EXT2: variants seen among roughly 807,000 people sequenced by gnomAD.
EXT2 encodes the protein exostosin-2.
In EXT2, 53 loss-of-function variants were observed where a neutral mutation model predicts 81.6. That is an observed-to-expected ratio of 0.65 (90% CI 0.52 to 0.82). The LOEUF is 0.82. EXT2 is among the 40% of genes least tolerant of loss of function. The probability of loss-of-function intolerance (pLI) is 0.00; values close to 1 mark genes in which losing one functional copy is unlikely to be tolerated. For synonymous variants in EXT2, 320 were observed against 340.0 expected (o/e 0.94, Z 0.65); for missense variants, 774 against 910.2 (o/e 0.85, Z 1.93).
rs746580720 is a variant in EXT2 at position 44,114,186 on chromosome 11, G to A, written c.628G>A (p.Ala210Thr). Residue 210 changes from alanine (A) to threonine (T), a missense_variant and splice_region_variant, in exon 4 of 14, where the codon GCC (alanine) becomes ACC (threonine). By Grantham distance (58) the Ala-to-Thr change is moderately conservative. Transcript: ENST00000533608. Reference protein sequence around the residue: ...NTALDVPRDRALLAGGGFSTW... With the variant: ...NTALDVPRDRTLLAGGGFSTW... The stretch of plus-strand genomic sequence containing the variant: ...TTTAACAAAATACTTTGCTTTCAGG[G>A]CCCTGTTGGCTGGTGGCGGCTTTTC... 3.1e-6 allele frequency: 5 copies of A among 1,613,838 alleles called. No homozygotes were observed. The South Asian group carries it at 4.4e-5, about 14-fold the overall frequency.
chr11:44,207,888 A>G (rs1446410229), intron 10 of EXT2, among the ~76,000 whole-genome samples: 1 of 152,184 alleles, frequency 6.6e-6, no homozygotes, highest in Non-Finnish European at 1.5e-5. Flanking sequence ...CCACCACTAA[A>G]AATTAAAAGC....
At chr11:44,230,944 C>T (rs1301498171) in intron 10 of EXT2, among the ~76,000 whole-genome samples, 2 of 152,110 alleles carry the variant, frequency 1.3e-5, no homozygotes, top group African/African-American at 4.8e-5. Flanking sequence ...CCTCTAGTTG[C>T]TCTGGCATAT....
At chr11:44,103,384 A>G (rs1196069889) in intron 1 of EXT2, among the ~76,000 whole-genome samples, 1 of 152,312 alleles carries the variant, frequency 6.6e-6, no homozygotes, top group Non-Finnish European at 1.5e-5. Context: ...TTGCAGTGTC[A>G]TATGTCATGT....
intron 7 of EXT2, among the ~76,000 whole-genome samples, chr11:44,166,079 T>C (rs1400552036): frequency 6.6e-6 from 1 of 152,228 alleles, no homozygotes; most frequent in Non-Finnish European, 1.5e-5. Context: ...TTTGCAAGGA[T>C]GCTGATTTTT....
At position 44,225,358 on chromosome 11, in the gene EXT2, T is replaced by C. The variant is rs544670877; in HGVS notation, c.1663-6995T>C. 2.6e-5 allele frequency among the ~76,000 whole-genome samples: 4 copies of C among 152,366 alleles called. No individual in the cohort carries two copies. The South Asian group carries it at 8.3e-4, about 32-fold the overall frequency. On this transcript the variant is annotated intron_variant, in intron 10 of 13. Coordinates refer to ENST00000533608, the MANE Select transcript of EXT2 (RefSeq NM_207122.2). ...GAGTCTCACTAGTTTGCTGCACAGC[T>C]GACTGGAGTTCTTTCTTTTAATGGT...
Position 44,234,132 on chromosome 11 carries a change from T to A in EXT2, c.1824T>A (p.Tyr608Ter), listed in dbSNP as rs781083252. 2 of 1,613,984 alleles carry A rather than the reference T, an allele frequency of 1.2e-6. No homozygotes were observed. Among genetic ancestry groups the A allele is most frequent in the Non-Finnish European group, 1.7e-6 (2 of 1,179,946 alleles). ...CTTGACAGTATTTTAATTACCTGTA[T>A]ACCTACAAAATGCCTGGGGATATCA... Reference protein sequence around the residue: ...AFYHKYFNYLYTYKMPGDIKN... With the variant: ...AFYHKYFNYL Residue 608 changes from tyrosine (Y) to a stop codon, truncating the protein, a stop_gained, in exon 12 of 14, where the codon TAT (tyrosine) becomes TAA (stop). Coordinates refer to ENST00000533608, the MANE Select transcript of EXT2 (RefSeq NM_207122.2). LOFTEE classifies it high-confidence loss of function.
chr11:44,175,226 G>A (rs966122488), intron 8 of EXT2, among the ~76,000 whole-genome samples: 3 of 152,196 alleles, frequency 2.0e-5, no homozygotes, highest in African/African-American at 7.2e-5. Flanking sequence ...TAATTGGTAA[G>A]TGAGGGAGAA....
intron 6 of EXT2, among the ~76,000 whole-genome samples, chr11:44,127,386 C>A (rs745856479): frequency 6.6e-6 from 1 of 152,236 alleles, no homozygotes; most frequent in Non-Finnish European, 1.5e-5. Context: ...ACATTACCAT[C>A]TGAGCCTCGC....
chr11:44,150,745 C>A (rs1954781572), intron 7 of EXT2, among the ~76,000 whole-genome samples: 1 of 152,142 alleles, frequency 6.6e-6, no homozygotes, highest in Non-Finnish European at 1.5e-5. Flanking sequence ...GACACATGGG[C>A]CTTACTCTAG....
chr11:44,180,433 A>G (rs1160689483), intron 8 of EXT2, among the ~76,000 whole-genome samples: 2 of 152,234 alleles, frequency 1.3e-5, no homozygotes, highest in African/African-American at 4.8e-5. Context: ...TATTTTCCAG[A>G]GAGCTAATAA....
chr11:44,103,797 C>A, intron 1 of EXT2: 1 of 309,232 alleles, frequency 3.2e-6, no homozygotes, highest in Non-Finnish European at 6.2e-6. Context: ...TTCAAATGTA[C>A]TGGCATAAAT....
intron 10 of EXT2, among the ~76,000 whole-genome samples, chr11:44,218,752 TG>T (rs1955748561): frequency 6.6e-6 from 1 of 151,810 alleles, no homozygotes; most frequent in Non-Finnish European, 1.5e-5. Flanking sequence ...GCTATCTATA[TG>T]TGTATTCAAG....
chr11:44,229,473 A>AAC (rs1955873743), intron 10 of EXT2, among the ~76,000 whole-genome samples: 1 of 152,222 alleles, frequency 6.6e-6, no homozygotes, highest in Non-Finnish European at 1.5e-5. Context: ...GAGCCCTGTT[A>AAC]GGTGAGCTGG....
chr11:44,194,456 T>A (rs1345154462), intron 8 of EXT2, among the ~76,000 whole-genome samples: 1 of 152,112 alleles, frequency 6.6e-6, no homozygotes, highest in African/African-American at 2.4e-5. Context: ...CCAAAGTCTA[T>A]AAAATGGTAA....
At chr11:44,135,993 T>C (rs1954560919) in intron 7 of EXT2, among the ~76,000 whole-genome samples, 1 of 152,214 alleles carries the variant, frequency 6.6e-6, no homozygotes, top group South Asian at 2.1e-4. Flanking sequence ...TTAAGCTAAG[T>C]TTAATTTTGT....
intron 7 of EXT2, among the ~76,000 whole-genome samples, chr11:44,143,351 G>T (rs1954671267): frequency 6.6e-6 from 1 of 152,180 alleles, no homozygotes; most frequent in South Asian, 2.1e-4. Context: ...AGAGGGATAT[G>T]ATTCCCTGGG....
chr11:44,119,167 T>TATATATAC (rs1954276544), intron 4 of EXT2, among the ~76,000 whole-genome samples: 2 of 44,090 alleles, frequency 4.5e-5, no homozygotes, highest in South Asian at 1.3e-3. Flanking sequence ...TATATATATA[T>TATATATAC]ATACACATAC....
At chr11:44,141,212 A>T (rs749523369) in intron 7 of EXT2, among the ~76,000 whole-genome samples, 1 of 152,198 alleles carries the variant, frequency 6.6e-6, no homozygotes, top group African/African-American at 2.4e-5. Flanking sequence ...TATACTTCCT[A>T]ATACAATGTA....
At chr11:44,156,714 G>T (rs757502618) in intron 7 of EXT2, among the ~76,000 whole-genome samples, 1 of 152,142 alleles carries the variant, frequency 6.6e-6, no homozygotes, top group African/African-American at 2.4e-5. Context: ...TCCAGGATTG[G>T]TCACTGATGA....
Sources: gnomAD v4.1 joint callset for allele counts (sites outside exome capture counted in the v4.1 genomes callset) on GRCh38, gnomAD v4.1.1 for gene constraint, MANE v1.5 for transcripts, NCBI Gene and HGNC (gene_info 2026-07-23, HGNC 2026-07-21) for gene names.